Variants in HERC2 observed in about 807,000 individuals in gnomAD.
The protein encoded by HERC2 is E3 ubiquitin-protein ligase HERC2.
Under a neutral mutation model 537.7 loss-of-function variants are expected in HERC2, and 102 were observed. That is an observed-to-expected ratio of 0.19 (90% CI 0.16 to 0.22). The LOEUF (loss-of-function observed/expected upper bound fraction) is 0.22. HERC2 is among the 10% of genes least tolerant of loss of function. The probability of loss-of-function intolerance (pLI) is 1.00; values close to 1 mark genes in which losing one functional copy is unlikely to be tolerated. For missense variants in HERC2, 4,236 were observed against 6,198.2 expected (o/e 0.68, Z 10.63); for synonymous variants, 2,224 against 2,466.2 (o/e 0.90, Z 2.91).
In HERC2 at chr15:28,122,886, C is replaced by T. The variant is rs896832931; in HGVS notation, c.13188+1151G>A. On this transcript the variant is annotated intron_variant, in intron 85 of 92. Coordinates refer to ENST00000261609, the MANE Select transcript of HERC2 (RefSeq NM_004667.6). The surrounding 1 kb of genome is among the most constrained non-coding windows in gnomAD (Gnocchi z 4.1). ...GCTCACAGCCTGCACAACGCTCACA[C>T]AGGGCCAGGTGGGACGTGCCCTGCC... Among the ~76,000 whole-genome samples the T allele has an allele frequency of 6.6e-6, 1 of 152,164 alleles. No individual in the cohort carries two copies. The highest frequency in any genetic ancestry group is 2.4e-5 in the African/African-American group (1 of 41,442).
chr15:28,245,082 T>C (rs1299614392), intron 23 of HERC2, among the ~76,000 whole-genome samples: 1 of 152,166 alleles, frequency 6.6e-6, no homozygotes, highest in Non-Finnish European at 1.5e-5. Flanking sequence ...TGCATCTCAC[T>C]AACATCAAAC....
chr15:28,296,715 T>C (rs1264744205), intron 3 of HERC2, among the ~76,000 whole-genome samples: 2 of 146,798 alleles, frequency 1.4e-5, no homozygotes, highest in African/African-American at 2.5e-5. Flanking sequence ...AAAAGGTTGC[T>C]GATTCCTGTC....
intron 3 of HERC2, among the ~76,000 whole-genome samples, chr15:28,295,301 A>C (rs1191065952): frequency 6.0e-5 from 1 of 16,700 alleles, no homozygotes; most frequent in Non-Finnish European, 1.0e-4. Flanking sequence ...TCTGTCCTAC[A>C]TGTGTGTGGG....
At chr15:28,314,816 G>A (rs1345194841) in intron 2 of HERC2, among the ~76,000 whole-genome samples, 25 of 151,020 alleles carry the variant, frequency 1.7e-4, no homozygotes, top group Admixed American at 1.6e-3. Flanking sequence ...AGCCAAGATC[G>A]CGCCACTGCA....
intron 12 of HERC2, among the ~76,000 whole-genome samples, chr15:28,266,214 T>C (rs1197908730): frequency 6.6e-6 from 1 of 152,058 alleles, no homozygotes; most frequent in East Asian, 1.9e-4. Flanking sequence ...AAATAGTGTT[T>C]GTTAAAGAAT....
chr15:28,118,591 G>A (rs1326540341), intron 86 of HERC2, among the ~76,000 whole-genome samples: 1 of 152,176 alleles, frequency 6.6e-6, no homozygotes, highest in Admixed American at 6.5e-5. Flanking sequence ...CTTCCAGTAA[G>A]ATGACCTGTG....
At chr15:28,296,181 T>A (rs113010617) in intron 3 of HERC2, among the ~76,000 whole-genome samples, 1,663 of 152,148 alleles carry the variant, frequency 0.011, 30 homozygotes, top group African/African-American at 0.038. Flanking sequence ...GACAAAAAAA[T>A]TCATCAAATG....
rs775487117 is a variant in HERC2 at position 28,190,949 on chromosome 15, T to G, written c.8649+16A>C. The G allele has an allele frequency of 6.5e-7, 1 of 1,538,316 alleles. No homozygotes were observed. The highest frequency in any genetic ancestry group is 9.0e-7 in the Non-Finnish European group (1 of 1,110,822). On this transcript the variant is annotated intron_variant, in intron 55 of 92. Coordinates refer to ENST00000261609, the MANE Select transcript of HERC2 (RefSeq NM_004667.6). The stretch of plus-strand genomic sequence containing the variant: ...TCTGTAAATCATCCAAATGGAACAC[T>G]AGCATAGCTACTTACCTCTGTGCAG...
Position 28,113,167 on chromosome 15 carries a change from G to A in HERC2, c.14136C>T (p.Ser4712=), listed in dbSNP as rs376018767. ...QWFWEVMESF[S]NTERSLFLRF... is the part of the protein sequence containing the mutation. ...GAAGGAAAAGAGAGCGCTCTGTGTT[G>A]GAGAAGGACTCCATCACCTCCCAGA... is the stretch of plus-strand genomic sequence containing the variant. The change falls in exon 92 of 93, where the codon TCC becomes TCT. Residue 4712 remains serine (S), a synonymous_variant. Transcript: ENST00000261609. This position sits in a 1 kb window ranked among gnomAD's most constrained non-coding sequence, Gnocchi z 7.0. 3 of 1,614,114 alleles carry A rather than the reference G, an allele frequency of 1.9e-6. No individual in the cohort carries two copies. Among genetic ancestry groups the A allele is most frequent in the Admixed American group, 1.7e-5 (1 of 60,018 alleles).
At chr15:28,211,780 A>C (rs1328716101) in intron 43 of HERC2, among the ~76,000 whole-genome samples, 1 of 152,250 alleles carries the variant, frequency 6.6e-6, no homozygotes, top group Non-Finnish European at 1.5e-5. Flanking sequence ...TGGGAGATCC[A>C]GAGTTGAAAG....
rs374528497 is a variant in HERC2, at chr15:28,212,575, G to A, written c.6795C>T (p.Ala2265=). The A allele has an allele frequency of 2.6e-5, 41 of 1,607,058 alleles. No homozygotes were observed. Among genetic ancestry groups the A allele is most frequent in the African/African-American group, 6.7e-5 (5 of 74,814 alleles). Residue 2265 remains alanine (A), a synonymous_variant, in exon 43 of 93, where the codon GCC becomes GCT. Transcript: ENST00000261609. The stretch of plus-strand genomic sequence containing the variant: ...GCAGGTTGTTCACATTAAAGGCCAC[G>A]GCAGGGAGCTGGAGAGGACACAGAA... ...CPLNQLKPLP[A]VAFNVNNLPF...
rs374209324 is a variant in HERC2 at position 28,279,153 on chromosome 15, C to T, written c.542+915G>A. Among the ~76,000 whole-genome samples the T allele has an allele frequency of 1.8e-3, 279 of 152,102 alleles. 1 individual carries two copies. Among genetic ancestry groups the T allele is most frequent in the African/African-American group, 3.9e-3 (162 of 41,486 alleles). On this transcript the variant is annotated intron_variant, in intron 5 of 92. Coordinates refer to ENST00000261609, the MANE Select transcript of HERC2 (RefSeq NM_004667.6). Reference sequence around the variant, plus strand: ...ATTACAGGCATGAGCCACCAAGCCCCGGCTAATTTTTTTATTTTTAGTAGA... The same window carrying T: ...ATTACAGGCATGAGCCACCAAGCCCTGGCTAATTTTTTTATTTTTAGTAGA...
intron 30 of HERC2, among the ~76,000 whole-genome samples, chr15:28,232,025 A>C (rs1417557921): frequency 6.6e-6 from 1 of 152,090 alleles, no homozygotes; most frequent in African/African-American, 2.4e-5. Flanking sequence ...GCCTGGGTTA[A>C]AGGAATCGCA....
At position 28,141,449 on chromosome 15, in the gene HERC2, C is replaced by T. The variant is rs776871202; in HGVS notation, c.11998G>A (p.Val4000Met). The T allele has an allele frequency of 2.5e-6, 4 of 1,614,106 alleles. No individual in the cohort carries two copies. Among genetic ancestry groups the T allele is most frequent in the Non-Finnish European group, 3.4e-6 (4 of 1,180,014 alleles). ...GCTCTTACCTTCCCATCAGCCGTCA[C>T]AGCAAAGAGGGTCTGTTCCCCTCCG... ...LIGGEQTLFA[V>M]TADGKLYATG... Residue 4000 changes from valine to methionine, a missense_variant, in exon 78 of 93, where the codon GTG becomes ATG. Physicochemically the swap from Val to Met is conservative, Grantham distance 21 (BLOSUM62 1). This residue lies in a region of HERC2 where 43 missense variants were observed against 82.6 expected (regional missense o/e 0.52). Transcript: ENST00000261609.
chr15:28,316,260 A>G (rs1245185734), intron 2 of HERC2, among the ~76,000 whole-genome samples: 1 of 143,410 alleles, frequency 7.0e-6, no homozygotes, highest in Non-Finnish European at 1.5e-5. Flanking sequence ...AATTGTCATC[A>G]AAGTCCTACG....
chr15:28,280,222 A>C lies in HERC2; in HGVS notation c.388T>G (p.Ser130Ala). The change falls in exon 5 of 93, where the codon TCA (serine) becomes GCA (alanine). Residue 130 changes from serine to alanine, a missense_variant. By Grantham distance (99) the Ser-to-Ala change is moderately conservative. This residue lies in a region of HERC2 where 491 missense variants were observed against 559.3 expected (regional missense o/e 0.88). Coordinates refer to ENST00000261609, the MANE Select transcript of HERC2 (RefSeq NM_004667.6). ...AGGGCTGAGAGGGTGGTGGTGGCTG[A>C]CTGGACGGCCAGGGCCTGCTGCTCT... is the stretch of plus-strand genomic sequence containing the variant. ...VKEQQALAVQ[S>A]ATTTLSALRL... The C allele has an allele frequency of 6.2e-7, 1 of 1,614,142 alleles. No individual in the cohort carries two copies. Among genetic ancestry groups the C allele is most frequent in the South Asian group, 1.1e-5 (1 of 91,076 alleles).
intron 69 of HERC2, among the ~76,000 whole-genome samples, chr15:28,161,522 A>G (rs1893593410): frequency 6.6e-6 from 1 of 152,220 alleles, no homozygotes; most frequent in African/African-American, 2.4e-5. Flanking sequence ...ACGACTGATC[A>G]GTCCTATTTC....
At chr15:28,198,284 T>C in intron 50 of HERC2, 94 bp downstream of exon 50, 1 of 1,396,230 alleles carries the variant, frequency 7.2e-7, no homozygotes, top group South Asian at 1.3e-5. Flanking sequence ...AACACTTGTT[T>C]TCTGTTTTGT....
chr15:28,320,602 C>A (rs1428367187), intron 2 of HERC2: 2 of 151,918 alleles, frequency 1.3e-5, no homozygotes, highest in African/African-American at 2.4e-5. Flanking sequence ...AAATGGTTAA[C>A]CTTAGGGAGT....
Sources: gnomAD v4.1 joint callset for allele counts (sites outside exome capture counted in the v4.1 genomes callset) on GRCh38, gnomAD v4.1.1 for gene constraint, gnomAD v4.1.1 regional missense constraint, Gnocchi (gnomAD v3.1) non-coding constraint, MANE v1.5 for transcripts, NCBI Gene and HGNC (gene_info 2026-07-23, HGNC 2026-07-21) for gene names.